The following RAB40C variants were observed in gnomAD, a reference collection of about 807,000 sequenced individuals.
RAB40C encodes the protein ras-related protein Rab-40C.
Under a neutral mutation model 28.1 loss-of-function variants are expected in RAB40C, and 8 were observed. The ratio of observed to expected loss-of-function variants is 0.28; its 90% CI spans 0.17 to 0.51. The LOEUF is 0.51. RAB40C is among the 20% of genes least tolerant of loss of function. The pLI is 0.97. For missense variants in RAB40C, 288 were observed against 405.9 expected, an observed-to-expected ratio of 0.71 and a Z score of 2.50; for synonymous variants, 201 against 171.7, an observed-to-expected ratio of 1.17 and a Z score of -1.34.
intron 1 of RAB40C, among the ~76,000 whole-genome samples, chr16:606,397 G>A (rs2036361055): frequency 2.6e-5 from 2 of 76,166 alleles, no homozygotes; most frequent in African/African-American, 1.1e-4. Flanking sequence ...GTCCAGTGTG[G>A]GTTTCCCTGG....
chr16:597,168 A>G (rs554545660), intron 1 of RAB40C, among the ~76,000 whole-genome samples: 2 of 152,062 alleles, frequency 1.3e-5, no homozygotes, highest in East Asian at 3.9e-4. Context: ...AGTGCTGGTG[A>G]TGAGGTGGGT....
At chr16:623,101 C>T (rs1348271551) in intron 3 of RAB40C, among the ~76,000 whole-genome samples, 1 of 152,214 alleles carries the variant, frequency 6.6e-6, no homozygotes, top group Non-Finnish European at 1.5e-5. Context: ...TGGGGGCCCG[C>T]TCAGGGCAGC....
In RAB40C at chr16:593,107, G is replaced by A. The variant is rs192896549; in HGVS notation, c.142+2674G>A. ...CGAGCAGAGAAGGAAGCGCCTCTGG[G>A]CTGTGGAACGCGCTTTCTGTGTCTA... On this transcript the variant is annotated intron_variant, in intron 1 of 5. Transcript: ENST00000248139. 1.7e-3 allele frequency among the ~76,000 whole-genome samples: 263 copies of A among 152,340 alleles called. 4 individuals carry two copies. Among genetic ancestry groups the A allele is most frequent in the Admixed American group, 0.016 (245 of 15,304 alleles).
rs371914210 is a variant in RAB40C, at chr16:601,893, C to T, written c.142+11460C>T. On this transcript the variant is annotated intron_variant, in intron 1 of 5. Transcript: ENST00000248139. ...CTGTAATCCCAGCACTTTGGGAGGC[C>T]GAGGTGGGTGGATCACGAGGTCAGG... is the stretch of plus-strand genomic sequence containing the variant. Among the ~76,000 whole-genome samples the T allele has an allele frequency of 2.1e-4, 31 of 148,910 alleles. No individual in the cohort carries two copies. The East Asian group carries it at 3.8e-3, about 18-fold the overall frequency.
At chr16:604,501 G>A (rs1039983879) in intron 1 of RAB40C, among the ~76,000 whole-genome samples, 6 of 150,636 alleles carry the variant, frequency 4.0e-5, no homozygotes, top group African/African-American at 1.2e-4. Flanking sequence ...CCTTCTGAGG[G>A]TGTTTCTCTA....
At chr16:620,348 G>A (rs2036685167) in intron 3 of RAB40C, among the ~76,000 whole-genome samples, 1 of 147,794 alleles carries the variant, frequency 6.8e-6, no homozygotes, top group Non-Finnish European at 1.5e-5. Context: ...AGCCGAGATT[G>A]TGCCATTGCA....
chr16:623,085 A>C (rs1343216523), intron 3 of RAB40C, among the ~76,000 whole-genome samples: 5 of 152,100 alleles, frequency 3.3e-5, no homozygotes, highest in Non-Finnish European at 7.4e-5. Flanking sequence ...TGGCCATCCC[A>C]GGAAGTGGGG....
chr16:612,720 A>T, intron 1 of RAB40C, among the ~76,000 whole-genome samples: 1 of 21,482 alleles, frequency 4.7e-5, no homozygotes, highest in Non-Finnish European at 8.0e-5. Flanking sequence ...GGCCTGTAGA[A>T]TCAAGAGCAG....
intron 3 of RAB40C, chr16:624,840 T>C (rs1355662036): frequency 4.1e-6 from 4 of 985,464 alleles, no homozygotes; most frequent in Non-Finnish European, 4.8e-6. Context: ...TGACTGTCAC[T>C]GCCGAGATAT....
At chr16:613,325 C>T (rs548454562) in intron 1 of RAB40C, among the ~76,000 whole-genome samples, 2 of 147,590 alleles carry the variant, frequency 1.4e-5, no homozygotes, top group Non-Finnish European at 3.0e-5. Flanking sequence ...CAGCCGCCCT[C>T]GCCTGTAGAA....
At chr16:606,883 TC>T (rs2036371285) in intron 1 of RAB40C, among the ~76,000 whole-genome samples, 1 of 152,276 alleles carries the variant, frequency 6.6e-6, no homozygotes, top group South Asian at 2.1e-4. Flanking sequence ...CACCTCGAGA[TC>T]CGTGCACCTT....
rs774786022 is a variant in RAB40C at position 627,454 on chromosome 16, G to A, written c.678G>A (p.Ser226=). The part of the protein sequence containing the change: ...VTIKSHLKSF[S]MANGMNAVMM... ...TCAAGAGCCACCTCAAGTCCTTCTC[G>A]ATGGCCAACGGCATGAACGCGGTCA... The change falls in exon 6 of 6, where the codon TCG becomes TCA. Residue 226 remains serine, a synonymous_variant. Transcript: ENST00000248139. 9 of 1,614,012 alleles carry A rather than the reference G, an allele frequency of 5.6e-6. No homozygotes were observed. Among genetic ancestry groups the A allele is most frequent in the South Asian group, 4.4e-5 (4 of 91,088 alleles).
chr16:598,443 C>T (rs1450987881), intron 1 of RAB40C, among the ~76,000 whole-genome samples: 1 of 151,132 alleles, frequency 6.6e-6, no homozygotes, highest in Non-Finnish European at 1.5e-5. Context: ...TACCTGTAGC[C>T]CCAACTACTT....
chr16:605,168 C>T (rs968547408), intron 1 of RAB40C, among the ~76,000 whole-genome samples: 6 of 151,972 alleles, frequency 3.9e-5, no homozygotes, highest in Admixed American at 1.3e-4. Context: ...GAGGCTGCAG[C>T]GAGCCGTGAT....
intron 1 of RAB40C, among the ~76,000 whole-genome samples, chr16:600,163 G>A (rs1308786476): frequency 5.9e-5 from 9 of 152,200 alleles, no homozygotes; most frequent in South Asian, 2.1e-4. Flanking sequence ...TGGCACCTGC[G>A]TCCTGGGCTA....
At chr16:608,201 G>C (rs76926092) in intron 1 of RAB40C, among the ~76,000 whole-genome samples, 2,153 of 152,316 alleles carry the variant, frequency 0.014, 52 homozygotes, top group African/African-American at 0.048. Flanking sequence ...CAGCTCCAGA[G>C]AGAATGAGTG....
At chr16:600,398 A>G (rs1003126122) in intron 1 of RAB40C, among the ~76,000 whole-genome samples, 13 of 152,238 alleles carry the variant, frequency 8.5e-5, no homozygotes, top group Admixed American at 2.6e-4. Flanking sequence ...AGTGTAAGTA[A>G]TAGAAATGGA....
rs560273791 is a variant in RAB40C at position 595,371 on chromosome 16, G to A, written c.142+4938G>A. ...CTTGGGGTCCGGGAGGAGCCGCCCT[G>A]CAGGCCTCCTGTGAAGCAGCGGGCT... On this transcript the variant is annotated intron_variant, in intron 1 of 5. Transcript: ENST00000248139. 3.9e-5 allele frequency among the ~76,000 whole-genome samples: 6 copies of A among 152,314 alleles called. No individual in the cohort carries two copies. In the East Asian group the frequency reaches 5.8e-4, roughly 15 times the overall value.
chr16:594,004 T>C (rs1190514745), intron 1 of RAB40C, among the ~76,000 whole-genome samples: 1 of 152,082 alleles, frequency 6.6e-6, no homozygotes, highest in Non-Finnish European at 1.5e-5. Context: ...GGCTCCAGGG[T>C]GTGGGCCAGG....
Sources: allele counts gnomAD v4.1 joint callset (sites outside exome capture counted in the v4.1 genomes callset), GRCh38; gene constraint gnomAD v4.1.1; transcripts MANE v1.5; gene names NCBI Gene and HGNC (gene_info 2026-07-23, HGNC 2026-07-21).